ZNF804B: variants seen among roughly 807,000 people sequenced by gnomAD.
ZNF804B encodes zinc finger protein 804B, also known as zinc finger 804B.
A neutral mutation model predicts 101.4 loss-of-function variants in ZNF804B; 80 were observed. The ratio of observed to expected loss-of-function variants is 0.79; its 90% CI spans 0.66 to 0.95. The LOEUF (loss-of-function observed/expected upper bound fraction) is 0.95, where lower values mean the gene tolerates loss of function less well. ZNF804B is among the 40% of genes least tolerant of loss of function. ZNF804B has a pLI of 0.00. For synonymous variants in ZNF804B, 622 were observed against 558.8 expected, an observed-to-expected ratio of 1.11 and a Z score of -1.59; for missense variants, 1,673 against 1,561.9, an observed-to-expected ratio of 1.07 and a Z score of -1.20.
intron 1 of ZNF804B, among the ~76,000 whole-genome samples, chr7:88,786,956 A>G (rs1317579306): frequency 6.6e-6 from 1 of 152,138 alleles, no homozygotes; most frequent in Non-Finnish European, 1.5e-5. Context: ...GTGTGCACAC[A>G]AACATGGCAG....
rs1791933190 is a variant in ZNF804B, at chr7:88,876,016, C to G, written c.108+115932C>G. On this transcript the variant is annotated intron_variant, in intron 1 of 3. Coordinates refer to ENST00000333190, the MANE Select transcript of ZNF804B (RefSeq NM_181646.5). ...CAAGGCTGGTTCAATATATGCAAAT[C>G]AATAAATGTAATCCAGCATATAAAC... Among the ~76,000 whole-genome samples the G allele has an allele frequency of 2.0e-5, 3 of 152,110 alleles. No homozygotes were observed. In the South Asian group the frequency reaches 6.2e-4, roughly 32 times the overall value.
At chr7:88,838,343 CTG>C (rs1791246556) in intron 1 of ZNF804B, among the ~76,000 whole-genome samples, 1 of 151,836 alleles carries the variant, frequency 6.6e-6, no homozygotes, top group Admixed American at 6.6e-5. Context: ...CACAGGCAGA[CTG>C]TCTCTCAAGT....
intron 1 of ZNF804B, among the ~76,000 whole-genome samples, chr7:89,161,447 A>G (rs1427658226): frequency 3.0e-5 from 4 of 133,804 alleles, no homozygotes; most frequent in African/African-American, 1.1e-4. Flanking sequence ...TATGTAATAT[A>G]AACTATTCCT....
At chr7:89,299,096 T>C (rs1337969534) in intron 2 of ZNF804B, among the ~76,000 whole-genome samples, 3 of 152,036 alleles carry the variant, frequency 2.0e-5, no homozygotes, top group Admixed American at 6.6e-5. Context: ...TCTTTTCACC[T>C]CTTTGTTTTC....
At chr7:88,889,139 A>G (rs80285238) in intron 1 of ZNF804B, among the ~76,000 whole-genome samples, 2 of 152,148 alleles carry the variant, frequency 1.3e-5, no homozygotes, top group African/African-American at 2.4e-5. Context: ...TTATGACTAC[A>G]TAGTATTCTT....
intron 1 of ZNF804B, among the ~76,000 whole-genome samples, chr7:89,216,676 T>C (rs1187496675): frequency 6.6e-6 from 1 of 152,174 alleles, no homozygotes; most frequent in Non-Finnish European, 1.5e-5. Flanking sequence ...TTTACCCTCT[T>C]ATATTTGGGC....
At chr7:89,154,139 A>G (rs897435583) in intron 1 of ZNF804B, among the ~76,000 whole-genome samples, 1 of 152,196 alleles carries the variant, frequency 6.6e-6, no homozygotes, top group Non-Finnish European at 1.5e-5. Context: ...AATGTGCTCA[A>G]CATCATTGAT....
chr7:89,138,971 A>C (rs958824777), intron 1 of ZNF804B, among the ~76,000 whole-genome samples: 2 of 152,092 alleles, frequency 1.3e-5, no homozygotes, highest in African/African-American at 4.8e-5. Flanking sequence ...TAGCAGCGTG[A>C]AAGTGGACTA....
Position 89,336,089 on chromosome 7 carries a change from A to G in ZNF804B, c.3107A>G (p.Glu1036Gly). 2 of 1,613,984 alleles carry G rather than the reference A, an allele frequency of 1.2e-6. No individual in the cohort carries two copies. The highest frequency in any genetic ancestry group is 1.7e-6 in the Non-Finnish European group (2 of 1,179,986). ...AAAGGTATAATTCACCTAGTAACAG[A>G]GTCTCAGTCACTAAACATAAAAAGG... ...LSKGIIHLVT[E>G]SQSLNIKRDA... The change falls in exon 4 of 4, where the codon GAG becomes GGG. Residue 1036 changes from glutamate to glycine, a missense_variant. Transcript: ENST00000333190.
intron 2 of ZNF804B, among the ~76,000 whole-genome samples, chr7:89,279,286 G>A (rs1046509813): frequency 3.3e-5 from 5 of 152,004 alleles, no homozygotes; most frequent in African/African-American, 9.7e-5. Context: ...ATACAATCAT[G>A]TTGTCTGCAA....
At chr7:88,875,547 C>G (rs937349419) in intron 1 of ZNF804B, among the ~76,000 whole-genome samples, 4 of 152,110 alleles carry the variant, frequency 2.6e-5, no homozygotes, top group African/African-American at 7.2e-5. Context: ...CGCAAATAAA[C>G]TAGAAAATCT....
chr7:89,320,715 G>A (rs868689830), intron 2 of ZNF804B, among the ~76,000 whole-genome samples: 9 of 151,874 alleles, frequency 5.9e-5, no homozygotes, highest in Non-Finnish European at 1.2e-4. Context: ...ACATGCCAAG[G>A]TACACCATAG....
chr7:89,290,132 T>A (rs1376836720), intron 2 of ZNF804B, among the ~76,000 whole-genome samples: 1 of 152,102 alleles, frequency 6.6e-6, no homozygotes, highest in African/African-American at 2.4e-5. Flanking sequence ...ATCTGCTGCC[T>A]TGAAAGGGAG....
Position 89,336,130 on chromosome 7 carries a change from G to C in ZNF804B, c.3148G>C (p.Glu1050Gln). The C allele has an allele frequency of 3.1e-6, 5 of 1,613,786 alleles. No homozygotes were observed. In the South Asian group the frequency reaches 3.3e-5, roughly 11 times the overall value. Residue 1050 changes from glutamate to glutamine, a missense_variant, in exon 4 of 4, where the codon GAA becomes CAA. Transcript: ENST00000333190. Reference sequence around the variant, plus strand: ...CATAAAAAGGGATGCAACAACAAAAGAACAATCAAAACCTTTAATTAGTGA... The same window carrying C: ...CATAAAAAGGGATGCAACAACAAAACAACAATCAAAACCTTTAATTAGTGA... ...LNIKRDATTKEQSKPLISEIQ... is the reference protein window; with the variant it reads ...LNIKRDATTKQQSKPLISEIQ...
chr7:89,012,398 A>G (rs141375404), intron 1 of ZNF804B, among the ~76,000 whole-genome samples: 2 of 152,270 alleles, frequency 1.3e-5, no homozygotes, highest in African/African-American at 4.8e-5. Flanking sequence ...ATTTCTCCTC[A>G]GAAAATGGAT....
intron 1 of ZNF804B, among the ~76,000 whole-genome samples, chr7:89,112,038 C>T (rs1480766443): frequency 6.8e-6 from 1 of 146,868 alleles, no homozygotes; most frequent in Non-Finnish European, 1.5e-5. Flanking sequence ...CCTGGGAGAC[C>T]TAGGTTGCAG....
chr7:89,335,333 A>T lies in ZNF804B; in HGVS notation c.2351A>T (p.Asn784Ile), dbSNP rs759528820. The T allele has an allele frequency of 1.9e-6, 3 of 1,613,756 alleles. No homozygotes were observed. In the South Asian group the frequency reaches 3.3e-5, roughly 18 times the overall value. The change falls in exon 4 of 4, where the codon AAC becomes ATC. Residue 784 changes from asparagine to isoleucine, a missense_variant. Asn to Ile is a moderately radical substitution (Grantham distance 149). Transcript: ENST00000333190. ...CAGTCTGAACCACAGAAAGAGAGGA[A>T]CTGCAAATTGTGGGAATCATTTAAA... ...QMQSEPQKER[N>I]CKLWESFKNE...
chr7:88,812,286 G>A (rs976614624), intron 1 of ZNF804B, among the ~76,000 whole-genome samples: 1 of 152,078 alleles, frequency 6.6e-6, no homozygotes, highest in African/African-American at 2.4e-5. Context: ...TGGTAATATA[G>A]TGTCCATTAC....
At chr7:89,024,286 T>C (rs778305503) in intron 1 of ZNF804B, among the ~76,000 whole-genome samples, 46 of 152,188 alleles carry the variant, frequency 3.0e-4, no homozygotes, top group Non-Finnish European at 5.4e-4. Flanking sequence ...ATACTTAGGG[T>C]ACAAAGAAGT....
Sources: allele counts gnomAD v4.1 joint callset (sites outside exome capture counted in the v4.1 genomes callset), GRCh38; gene constraint gnomAD v4.1.1; transcripts MANE v1.5; gene names NCBI Gene and HGNC (gene_info 2026-07-23, HGNC 2026-07-21).